FAF1: variants seen among roughly 807,000 people sequenced by gnomAD.
FAF1 encodes Fas associated factor 1, also known as FAS-associated factor 1.
Under a neutral mutation model 92.5 loss-of-function variants are expected in FAF1, and 25 were observed. The observed-to-expected ratio is 0.27, with a 90% CI of 0.20 to 0.38. The LOEUF is 0.38. Ranked by LOEUF, FAF1 falls within the 10% of genes least tolerant of loss-of-function variation. The pLI, the probability that FAF1 is intolerant of heterozygous loss-of-function variation, is 1.00. For missense variants in FAF1, 636 were observed against 793.3 expected (o/e 0.80, Z 2.38); for synonymous variants, 234 against 273.2 (o/e 0.86, Z 1.42).
intron 7 of FAF1, among the ~76,000 whole-genome samples, chr1:50,678,674 G>C (rs1056934320): frequency 4.7e-5 from 7 of 147,752 alleles, no homozygotes; most frequent in African/African-American, 1.8e-4. Flanking sequence ...CAGCTACTCA[G>C]AAGGCTGAGG....
intron 2 of FAF1, chr1:50,846,707 C>A: frequency 3.3e-6 from 2 of 605,320 alleles, no homozygotes; most frequent in Non-Finnish European, 6.3e-6. Context: ...CATGATGGAG[C>A]ACTTCTCCAA....
chr1:50,654,814 T>C lies in FAF1; in HGVS notation c.744+628A>G, dbSNP rs367788698. 2.5e-4 allele frequency among the ~76,000 whole-genome samples: 38 copies of C among 152,282 alleles called. 1 individual carries two copies. In the South Asian group the frequency reaches 7.5e-3, roughly 30 times the overall value. On this transcript the variant is annotated intron_variant, in intron 8 of 18. Transcript: ENST00000396153. Reference sequence around the variant, plus strand: ...ATATTCTTCTCATCAAGAAAAAAACTAAGTCAAAGTCAAATCCAGCAGCAT... The same window carrying C: ...ATATTCTTCTCATCAAGAAAAAAACCAAGTCAAAGTCAAATCCAGCAGCAT...
rs771386910 is a variant in FAF1, at chr1:50,535,465, CAT to C, written c.1406-10_1406-9del. 3.8e-5 allele frequency: 59 copies of C among 1,567,538 alleles called. No individual in the cohort carries two copies. Among genetic ancestry groups the C allele is most frequent in the Non-Finnish European group, 4.8e-5 (55 of 1,143,468 alleles). On this transcript the variant is annotated splice_polypyrimidine_tract_variant and intron_variant, in intron 14 of 18. Transcript: ENST00000396153. ...CATCTACTGTTGTGTTCCCTAAAAA[CAT>C]ATAGAGATTGCCAAACTTTTATAAT...
At position 50,868,610 on chromosome 1, in the gene FAF1, C is replaced by A. The variant is rs118072079; in HGVS notation, c.46-10613G>T. On this transcript the variant is annotated intron_variant, in intron 1 of 18. Coordinates refer to ENST00000396153, the MANE Select transcript of FAF1 (RefSeq NM_007051.3). ...AAATTTTTATATGTATGTTCATTAT[C>A]ATTCAGTTCAAAGTTTTTTCTAAAG... Among the ~76,000 whole-genome samples the A allele has an allele frequency of 1.3e-4, 20 of 152,268 alleles. No individual in the cohort carries two copies. The East Asian group carries it at 3.9e-3, about 29-fold the overall frequency.
intron 7 of FAF1, among the ~76,000 whole-genome samples, chr1:50,698,015 C>G (rs950838407): frequency 6.6e-6 from 1 of 152,092 alleles, no homozygotes; most frequent in Non-Finnish European, 1.5e-5. Flanking sequence ...AACCAAATAA[C>G]CTTTGGCATA....
chr1:50,464,329 C>T (rs898477020), intron 18 of FAF1, among the ~76,000 whole-genome samples: 6 of 152,070 alleles, frequency 3.9e-5, no homozygotes, highest in Non-Finnish European at 8.8e-5. Flanking sequence ...TTATATCCAG[C>T]GCAAAGGTGG....
intron 9 of FAF1, among the ~76,000 whole-genome samples, 166 bp downstream of exon 9, chr1:50,595,955 A>G (rs1651784518): frequency 6.6e-6 from 1 of 152,222 alleles, no homozygotes; most frequent in Admixed American, 6.5e-5. Flanking sequence ...GCACATTAGT[A>G]GTAACCTTGC....
At chr1:50,724,220 A>G (rs1658528440) in intron 6 of FAF1, among the ~76,000 whole-genome samples, 1 of 145,764 alleles carries the variant, frequency 6.9e-6, no homozygotes, top group Non-Finnish European at 1.5e-5. Context: ...CCTGTGTGAC[A>G]GAGCAAGACT....
rs577355550 is a variant in FAF1, at chr1:50,648,072, G to A, written c.744+7370C>T. Among the ~76,000 whole-genome samples, 44 of 151,950 alleles carry A rather than the reference G, an allele frequency of 2.9e-4. No homozygotes were observed. The South Asian group carries it at 7.9e-3, about 27-fold the overall frequency. Reference sequence around the variant, plus strand: ...TCAGGAGTTAGAGACCAGCCTGGCCGACATAGTGAAACCCCGTCTCTACTA... The same window carrying A: ...TCAGGAGTTAGAGACCAGCCTGGCCAACATAGTGAAACCCCGTCTCTACTA... On this transcript the variant is annotated intron_variant, in intron 8 of 18. Coordinates refer to ENST00000396153, the MANE Select transcript of FAF1 (RefSeq NM_007051.3).
At chr1:50,776,735 C>A (rs1012017804) in intron 4 of FAF1, among the ~76,000 whole-genome samples, 4 of 151,904 alleles carry the variant, frequency 2.6e-5, no homozygotes, top group Admixed American at 2.6e-4. Context: ...TGATGTGGCA[C>A]TGAATTTGCC....
chr1:50,876,626 C>T (rs1034638297), intron 1 of FAF1, among the ~76,000 whole-genome samples: 4 of 152,170 alleles, frequency 2.6e-5, no homozygotes, highest in Admixed American at 2.0e-4. Flanking sequence ...CACTCTGTCA[C>T]CCAGGCTGGA....
chr1:50,602,052 T>C (rs565020822), intron 8 of FAF1, among the ~76,000 whole-genome samples: 27 of 152,292 alleles, frequency 1.8e-4, no homozygotes, highest in African/African-American at 6.5e-4. Context: ...CTAGCCCTAA[T>C]GGGCTATGAT....
At chr1:50,942,727 C>G (rs1230829794) in intron 1 of FAF1, among the ~76,000 whole-genome samples, 1 of 151,496 alleles carries the variant, frequency 6.6e-6, no homozygotes, top group Non-Finnish European at 1.5e-5. Flanking sequence ...ATAACGGCAG[C>G]CAGAGTTTTA....
chr1:50,729,034 C>CTATCTATCTATATA (rs774816134), intron 6 of FAF1, among the ~76,000 whole-genome samples: 9 of 88,082 alleles, frequency 1.0e-4, no homozygotes, highest in African/African-American at 3.9e-4. Context: ...ATCTATCTAT[C>CTATCTATCTATATA]TATATATATA....
chr1:50,840,711 C>T (rs1298496387), intron 2 of FAF1, among the ~76,000 whole-genome samples: 1 of 151,848 alleles, frequency 6.6e-6, no homozygotes, highest in African/African-American at 2.4e-5. Flanking sequence ...CTTCTCAGGC[C>T]CAATCAGGCA....
rs564193986 is a variant in FAF1 at position 50,553,156 on chromosome 1, G to A, written c.1269-13428C>T. ...GGGGTGAGAGAAAGGTCAATAGATTGGAAGGCATGAGGAGATAAAAAAATC... is the reference window on the plus strand; with the variant it reads ...GGGGTGAGAGAAAGGTCAATAGATTAGAAGGCATGAGGAGATAAAAAAATC... On this transcript the variant is annotated intron_variant, in intron 13 of 18. Coordinates refer to ENST00000396153, the MANE Select transcript of FAF1 (RefSeq NM_007051.3). Among the ~76,000 whole-genome samples, 46 of 152,244 alleles carry A rather than the reference G, an allele frequency of 3.0e-4. 1 individual carries two copies. In the South Asian group the frequency reaches 9.4e-3, roughly 31 times the overall value.
At chr1:50,630,484 G>A (rs868695794) in intron 8 of FAF1, among the ~76,000 whole-genome samples, 43 of 152,184 alleles carry the variant, frequency 2.8e-4, no homozygotes, top group African/African-American at 9.6e-4. Flanking sequence ...AAATATAACC[G>A]TTTTTTAACA....
intron 1 of FAF1, among the ~76,000 whole-genome samples, chr1:50,945,215 A>C (rs988280775): frequency 6.6e-6 from 1 of 152,210 alleles, no homozygotes; most frequent in Non-Finnish European, 1.5e-5. Context: ...CAGAAAGCCA[A>C]AAGTATAACA....
intron 1 of FAF1, among the ~76,000 whole-genome samples, chr1:50,952,070 T>C (rs1056514987): frequency 2.0e-5 from 3 of 152,154 alleles, no homozygotes; most frequent in African/African-American, 4.8e-5. Flanking sequence ...GATAACCCAA[T>C]ATAAGAAAAT....
Sources: allele counts gnomAD v4.1 joint callset (sites outside exome capture counted in the v4.1 genomes callset), GRCh38; gene constraint gnomAD v4.1.1; transcripts MANE v1.5; gene names NCBI Gene and HGNC (gene_info 2026-07-23, HGNC 2026-07-21).